Variants in ABCD2 observed in about 807,000 individuals in gnomAD.
ABCD2 encodes ATP-binding cassette sub-family D member 2.
In ABCD2, 36 loss-of-function variants were observed where a neutral mutation model predicts 70.9. The observed-to-expected ratio is 0.51, with a 90% CI of 0.39 to 0.67. The LOEUF (loss-of-function observed/expected upper bound fraction) is 0.67, where lower values mean the gene tolerates loss of function less well. Among genes scored for constraint, ABCD2 ranks in the 30% least tolerant of loss-of-function variants. The pLI is 0.00. For missense variants in ABCD2, 729 were observed against 890.2 expected, an observed-to-expected ratio of 0.82 and a Z score of 2.30; for synonymous variants, 304 against 306.9, an observed-to-expected ratio of 0.99 and a Z score of 0.10.
At chr12:39,560,370 A>G (rs910134837) in intron 9 of ABCD2, among the ~76,000 whole-genome samples, 3 of 152,146 alleles carry the variant, frequency 2.0e-5, no homozygotes, top group African/African-American at 7.2e-5. Context: ...ATAGTATTCC[A>G]TGGTGTATAT....
intron 9 of ABCD2, among the ~76,000 whole-genome samples, chr12:39,563,350 C>A (rs1941289450): frequency 6.6e-6 from 1 of 152,076 alleles, no homozygotes; most frequent in South Asian, 2.1e-4. Flanking sequence ...TATGATCACA[C>A]CTCTGCAGTC....
chr12:39,600,193 G>A (rs1198998908), intron 6 of ABCD2, among the ~76,000 whole-genome samples: 1 of 149,036 alleles, frequency 6.7e-6, no homozygotes, highest in Non-Finnish European at 1.5e-5. Context: ...ATATATGAAT[G>A]TATGCAGCTT....
In ABCD2 at chr12:39,619,446, T is replaced by C; in HGVS notation, c.170A>G (p.Tyr57Cys). The change falls in exon 1 of 10, where the codon TAC becomes TGC. Residue 57 changes from tyrosine to cysteine, a missense_variant. Physicochemically the swap from Tyr to Cys is radical, Grantham distance 194. Coordinates refer to ENST00000308666, the MANE Select transcript of ABCD2 (RefSeq NM_005164.4). ...TATTTCTGTGTTCTCTGCAGCAGGG[T>C]AAGCTGCTGCTTTTTTCTTCCCGTG... is the stretch of plus-strand genomic sequence containing the variant. ...SGHGKKKAAAYPAAENTEILH... is the reference protein window; with the variant it reads ...SGHGKKKAAACPAAENTEILH... The C allele has an allele frequency of 6.2e-7, 1 of 1,614,106 alleles. No individual in the cohort carries two copies. The highest frequency in any genetic ancestry group is 8.5e-7 in the Non-Finnish European group (1 of 1,180,024).
At chr12:39,611,590 C>T (rs1591998666) in intron 2 of ABCD2, among the ~76,000 whole-genome samples, 1 of 151,700 alleles carries the variant, frequency 6.6e-6, no homozygotes, top group South Asian at 2.1e-4. Context: ...AAATGAAAAA[C>T]CAAGGAAATT....
At chr12:39,595,986 T>G (rs1295223549) in intron 6 of ABCD2, among the ~76,000 whole-genome samples, 2 of 152,202 alleles carry the variant, frequency 1.3e-5, no homozygotes, top group Admixed American at 6.5e-5. Context: ...GAGTAAGGAC[T>G]GAGAGGATGA....
At chr12:39,599,667 G>A (rs920309593) in intron 6 of ABCD2, among the ~76,000 whole-genome samples, 1 of 152,168 alleles carries the variant, frequency 6.6e-6, no homozygotes, top group African/African-American at 2.4e-5. Context: ...GCTATGTCTG[G>A]TCTAAAAATT....
intron 6 of ABCD2, among the ~76,000 whole-genome samples, chr12:39,588,607 C>A (rs1031623815): frequency 6.6e-6 from 1 of 152,066 alleles, no homozygotes; most frequent in Non-Finnish European, 1.5e-5. Flanking sequence ...TTCAGGAATG[C>A]GAGAAAATAA....
At chr12:39,588,087 A>G (rs1293652468) in intron 6 of ABCD2, among the ~76,000 whole-genome samples, 1 of 152,204 alleles carries the variant, frequency 6.6e-6, no homozygotes, top group African/African-American at 2.4e-5. Flanking sequence ...GGAAGAAGAA[A>G]GATACAAACA....
At chr12:39,600,066 TACTC>T (rs1397582085) in intron 6 of ABCD2, among the ~76,000 whole-genome samples, 1 of 152,192 alleles carries the variant, frequency 6.6e-6, no homozygotes, top group Non-Finnish European at 1.5e-5. Flanking sequence ...GTTTACATGA[TACTC>T]ATTCTTACAG....
At chr12:39,605,793 G>T (rs1398797187) in intron 3 of ABCD2, among the ~76,000 whole-genome samples, 1 of 152,052 alleles carries the variant, frequency 6.6e-6, no homozygotes, top group African/African-American at 2.4e-5. Flanking sequence ...AATAAGCAAG[G>T]TATCTCAGAA....
intron 8 of ABCD2, among the ~76,000 whole-genome samples, chr12:39,578,622 C>T (rs1941553739): frequency 6.6e-6 from 1 of 151,290 alleles, no homozygotes; most frequent in Admixed American, 6.6e-5. Flanking sequence ...TATTTCCTTC[C>T]CATGTCTTCT....
At chr12:39,613,161 C>A (rs1186309221) in intron 2 of ABCD2, among the ~76,000 whole-genome samples, 3 of 87,618 alleles carry the variant, frequency 3.4e-5, no homozygotes, top group Non-Finnish European at 4.3e-5. Context: ...CCGAGGCGGG[C>A]GGATCACGAG....
At chr12:39,538,165 TTC>T in the ABCD2 span, among the ~76,000 whole-genome samples, 2 of 148,760 alleles carry the variant, frequency 1.3e-5, no homozygotes, top group African/African-American at 5.0e-5. Context: ...TTCATTTTCT[TTC>T]TTTCTTTTTT....
In ABCD2 at chr12:39,551,616, A is replaced by G. The variant is rs1254767367; in HGVS notation, c.*2296T>C. The G allele has an allele frequency of 6.6e-6, 1 of 151,806 alleles. No homozygotes were observed. The highest frequency in any genetic ancestry group is 1.9e-4 in the East Asian group (1 of 5,204). The allele number at this position is 151,806 out of a possible 1,614,324, so 9.4% of individuals were successfully genotyped here. On this transcript the variant is annotated 3_prime_UTR_variant, in exon 10 of 10. Coordinates refer to ENST00000308666, the MANE Select transcript of ABCD2 (RefSeq NM_005164.4). ...ACAAATAGGCACAAAAAGCTCATGG[A>G]AAACATGTGCATATTAGAACTTTAA...
chr12:39,565,635 G>C (rs752548955), intron 9 of ABCD2, among the ~76,000 whole-genome samples: 3 of 152,054 alleles, frequency 2.0e-5, no homozygotes, highest in African/African-American at 4.8e-5. Flanking sequence ...TTTCCTGCCT[G>C]ATTGCCCTGG....
chr12:39,540,411 G>A, the ABCD2 span, among the ~76,000 whole-genome samples: 6 of 152,072 alleles, frequency 3.9e-5, no homozygotes, highest in Non-Finnish European at 8.8e-5. Flanking sequence ...ATAGCATTAC[G>A]TGACAAAGAA....
At chr12:39,549,101 T>A (rs1941054387), downstream of ABCD2, among the ~76,000 whole-genome samples, 1 of 151,966 alleles carries the variant, frequency 6.6e-6, no homozygotes, top group Admixed American at 6.6e-5. Flanking sequence ...AAGCGGTTTC[T>A]TAGGTTTCAA....
At chr12:39,608,520 C>G (rs1417170340) in intron 2 of ABCD2, among the ~76,000 whole-genome samples, 1 of 151,934 alleles carries the variant, frequency 6.6e-6, no homozygotes, top group East Asian at 1.9e-4. Flanking sequence ...AACCCCATCT[C>G]TACCAAAAAA....
At chr12:39,584,507 A>C (rs1256995386) in intron 7 of ABCD2, among the ~76,000 whole-genome samples, 1 of 152,146 alleles carries the variant, frequency 6.6e-6, no homozygotes, top group Non-Finnish European at 1.5e-5. Flanking sequence ...GCTGTGCAGA[A>C]GCTCTTAAAT....
Sources: allele counts gnomAD v4.1 joint callset (sites outside exome capture counted in the v4.1 genomes callset), GRCh38; gene constraint gnomAD v4.1.1; transcripts MANE v1.5; gene names NCBI Gene and HGNC (gene_info 2026-07-23, HGNC 2026-07-21).